The following RBFOX1 variants were observed in gnomAD, a reference collection of about 807,000 sequenced individuals.
RBFOX1 encodes RNA binding protein fox-1 homolog 1.
In RBFOX1, 8 loss-of-function variants were observed where a neutral mutation model predicts 57.7. That is an observed-to-expected ratio of 0.14 (90% CI 0.08 to 0.25). The LOEUF is 0.25. Among genes scored for constraint, RBFOX1 ranks in the 10% least tolerant of loss-of-function variants. The pLI is 1.00. For synonymous variants in RBFOX1, 326 were observed against 222.4 expected (o/e 1.47, Z -4.15); for missense variants, 611 against 548.5 (o/e 1.11, Z -1.14).
Position 7,346,853 on chromosome 16 carries a change from T to A in RBFOX1, c.28-171294T>A, listed in dbSNP as rs117493033. On this transcript the variant is annotated intron_variant, in intron 4 of 15. Transcript: ENST00000550418. ...GATGATTCTTGAATGTGTGTTTTTG[T>A]TAAGATCCCTTTGGCTGAAGGAACA... Among the ~76,000 whole-genome samples, 6 of 152,262 alleles carry A rather than the reference T, an allele frequency of 3.9e-5. No homozygotes were observed. The East Asian group carries it at 1.2e-3, about 29-fold the overall frequency.
chr16:6,416,758 A>C (rs186975902), intron 2 of RBFOX1, among the ~76,000 whole-genome samples: 6 of 152,132 alleles, frequency 3.9e-5, no homozygotes, highest in African/African-American at 1.4e-4. Context: ...ATACCATACT[A>C]ATAACATACC....
At chr16:5,281,879 C>G (rs1405096907) in intron 1 of RBFOX1, among the ~76,000 whole-genome samples, 2 of 152,170 alleles carry the variant, frequency 1.3e-5, no homozygotes, top group African/African-American at 4.8e-5. Context: ...AAGCCTGTCT[C>G]TGTCTTTTAG....
rs1416211761 is a variant in RBFOX1 at position 5,956,676 on chromosome 16, A to ATTTTTTT, written c.351+89342_351+89343insTTTTTTT. On this transcript the variant is annotated intron_variant, in intron 4 of 19. Coordinates refer to the RBFOX1 transcript ENST00000641259. Reference sequence around the variant, plus strand: ...TATATATTTATATATATATATATATATATTTTTTTTGAGGCACAGTCTCAT... The same window carrying ATTTTTTT: ...TATATATTTATATATATATATATATATTTTTTTTATTTTTTTTGAGGCACAGTCTCAT... Among the ~76,000 whole-genome samples, 683 of 104,002 alleles carry ATTTTTTT rather than the reference A, an allele frequency of 6.6e-3. 11 individuals are homozygous for ATTTTTTT. The highest frequency in any genetic ancestry group is 0.017 in the African/African-American group (487 of 28,086). 68.2% of individuals were successfully genotyped at this position (104,002 alleles called of 152,430 possible). A position where few individuals can be genotyped will look rare whatever the true frequency, so the allele number is the denominator to read the frequency against.
chr16:6,951,910 A>G (rs546278764), intron 3 of RBFOX1, among the ~76,000 whole-genome samples: 2 of 152,202 alleles, frequency 1.3e-5, no homozygotes, highest in Admixed American at 6.5e-5. Context: ...TAATTTTTGT[A>G]TATTTAGTAG....
At chr16:6,030,713 C>A (rs968565948) in intron 1 of RBFOX1, among the ~76,000 whole-genome samples, 2 of 152,132 alleles carry the variant, frequency 1.3e-5, no homozygotes, top group Non-Finnish European at 2.9e-5. Context: ...TTGAGCTAGA[C>A]CTGAAGTTAG....
rs565192154 is a variant in RBFOX1 at position 7,036,384 on chromosome 16, C to T, written c.-15-15673C>T. Among the ~76,000 whole-genome samples, 6 of 152,156 alleles carry T rather than the reference C, an allele frequency of 3.9e-5. No individual in the cohort carries two copies. The South Asian group carries it at 1.0e-3, about 26-fold the overall frequency. On this transcript the variant is annotated intron_variant, in intron 3 of 15. Coordinates refer to ENST00000550418, the MANE Select transcript of RBFOX1 (RefSeq NM_018723.4). Reference sequence around the variant, plus strand: ...ATAGGAAAGGGGTCCCAATGCAGATCCCCAGATAGGGTTCTTGGATCTCCC... The same window carrying T: ...ATAGGAAAGGGGTCCCAATGCAGATTCCCAGATAGGGTTCTTGGATCTCCC...
chr16:5,306,323 C>CTT (rs34944593), intron 1 of RBFOX1, among the ~76,000 whole-genome samples: 3,480 of 147,380 alleles, frequency 0.024, 69 homozygotes, highest in South Asian at 0.051. Context: ...TTCTAGAATT[C>CTT]TTTTTTTTTT....
At chr16:5,767,011 C>G (rs905626116) in intron 3 of RBFOX1, among the ~76,000 whole-genome samples, 4 of 152,192 alleles carry the variant, frequency 2.6e-5, no homozygotes, top group Admixed American at 6.5e-5. Context: ...TAGTTTGCTT[C>G]TGGGTGTTGT....
intron 3 of RBFOX1, among the ~76,000 whole-genome samples, chr16:6,681,883 C>G (rs1481365945): frequency 2.6e-5 from 4 of 152,286 alleles, no homozygotes; most frequent in East Asian, 1.9e-4. Flanking sequence ...TCTTTAGTCT[C>G]TTCTGCTATT....
chr16:7,119,235 T>C (rs2066576467), intron 4 of RBFOX1, among the ~76,000 whole-genome samples: 1 of 152,112 alleles, frequency 6.6e-6, no homozygotes, highest in African/African-American at 2.4e-5. Context: ...AAGGCAGTAA[T>C]TTTTTTGTGT....
At chr16:6,847,575 C>G (rs1001478800) in intron 3 of RBFOX1, among the ~76,000 whole-genome samples, 1 of 151,588 alleles carries the variant, frequency 6.6e-6, no homozygotes, top group African/African-American at 2.4e-5. Context: ...CATGGTCAGT[C>G]GCTGAAAAGT....
At chr16:6,816,487 A>T (rs1458907234) in intron 3 of RBFOX1, among the ~76,000 whole-genome samples, 1 of 150,206 alleles carries the variant, frequency 6.7e-6, no homozygotes, top group East Asian at 2.0e-4. Flanking sequence ...TATGCCTGTA[A>T]TCTCAGTACT....
chr16:5,855,651 C>T (rs577498955), intron 3 of RBFOX1, among the ~76,000 whole-genome samples: 4 of 152,222 alleles, frequency 2.6e-5, no homozygotes, highest in African/African-American at 7.2e-5. Context: ...GAAATCAGAA[C>T]ATATGTGATG....
chr16:6,688,831 C>A (rs746002146), intron 3 of RBFOX1, among the ~76,000 whole-genome samples: 1 of 152,104 alleles, frequency 6.6e-6, no homozygotes, highest in Non-Finnish European at 1.5e-5. Context: ...TGTTCTCCTC[C>A]CTGTGTCCAT....
intron 2 of RBFOX1, among the ~76,000 whole-genome samples, chr16:5,483,577 T>C (rs2069621194): frequency 6.6e-6 from 1 of 152,230 alleles, no homozygotes; most frequent in African/African-American, 2.4e-5. Context: ...GCTCTGCATT[T>C]TGAAGTGTGA....
chr16:6,453,173 T>C (rs917976594), intron 2 of RBFOX1, among the ~76,000 whole-genome samples: 2 of 152,098 alleles, frequency 1.3e-5, no homozygotes, highest in African/African-American at 4.8e-5. Flanking sequence ...GCAAGTTCGT[T>C]ACATAGGTAT....
intron 1 of RBFOX1, among the ~76,000 whole-genome samples, chr16:5,297,686 A>G (rs1439608642): frequency 3.9e-5 from 6 of 152,164 alleles, no homozygotes; most frequent in African/African-American, 1.2e-4. Flanking sequence ...CTCCCATCCC[A>G]TAGGCTGTTT....
Position 5,647,881 on chromosome 16 carries a change from A to G in RBFOX1, c.318+48920A>G, listed in dbSNP as rs555708396. Among the ~76,000 whole-genome samples, 12 of 152,040 alleles carry G rather than the reference A, an allele frequency of 7.9e-5. No homozygotes were observed. The South Asian group carries it at 1.0e-3, about 13-fold the overall frequency. ...TTTGTTTTTGTTTTTGTTTTTTGAG[A>G]TGGAGTTTCATTCTGTCACTCAGCC... On this transcript the variant is annotated intron_variant, in intron 3 of 19. Coordinates refer to the RBFOX1 transcript ENST00000641259.
intron 2 of RBFOX1, among the ~76,000 whole-genome samples, chr16:6,630,049 A>C (rs542738715): frequency 1.3e-5 from 2 of 151,658 alleles, no homozygotes; most frequent in Non-Finnish European, 2.9e-5. Flanking sequence ...CTGCCTGAAA[A>C]ATCCTGTGGT....
Sources: allele counts gnomAD v4.1 joint callset (sites outside exome capture counted in the v4.1 genomes callset), GRCh38; gene constraint gnomAD v4.1.1; transcripts MANE v1.5; gene names NCBI Gene and HGNC (gene_info 2026-07-23, HGNC 2026-07-21).